The following PDE12 variants were observed in gnomAD, a reference collection of about 807,000 sequenced individuals.
PDE12 encodes the protein phosphodiesterase 12.
Under a neutral mutation model 45.4 loss-of-function variants are expected in PDE12, and 26 were observed. The ratio of observed to expected loss-of-function variants is 0.57; its 90% CI spans 0.42 to 0.79. The LOEUF is 0.79. Among genes scored for constraint, PDE12 ranks in the 30% least tolerant of loss-of-function variants. The pLI is 0.00. For synonymous variants in PDE12, 283 were observed against 323.9 expected (o/e 0.87, Z 1.36); for missense variants, 668 against 790.0 (o/e 0.85, Z 1.85).
At chr3:57,650,487 G>A in the PDE12 span, among the ~76,000 whole-genome samples, 2 of 151,800 alleles carry the variant, frequency 1.3e-5, no homozygotes, top group African/African-American at 4.8e-5. Flanking sequence ...CCACTTGAGA[G>A]GGTCTAAAAG....
the PDE12 span, among the ~76,000 whole-genome samples, chr3:57,608,480 A>G: frequency 6.6e-6 from 1 of 152,078 alleles, no homozygotes; most frequent in Admixed American, 6.6e-5. Context: ...AGTGTGCTGT[A>G]TTCAGGAGAC....
the PDE12 span, among the ~76,000 whole-genome samples, chr3:57,614,777 A>G: frequency 2.0e-5 from 3 of 151,262 alleles, no homozygotes; most frequent in Non-Finnish European, 4.4e-5. Flanking sequence ...TAAAAACACA[A>G]AGGTCAGGAG....
At chr3:57,571,481 A>G (rs1256353689), downstream of PDE12, 1 of 152,654 alleles carries the variant, frequency 6.6e-6, no homozygotes, top group South Asian at 2.1e-4. Context: ...CCAATAAACA[A>G]AACATCAGCA....
At chr3:57,642,751 T>A in the PDE12 span, among the ~76,000 whole-genome samples, 1 of 151,998 alleles carries the variant, frequency 6.6e-6, no homozygotes, top group Admixed American at 6.6e-5. Context: ...ACGCCTGTAA[T>A]CCCAGCCCTT....
chr3:57,567,205 C>T (rs527283284), downstream of PDE12, among the ~76,000 whole-genome samples: 3 of 151,822 alleles, frequency 2.0e-5, no homozygotes, highest in East Asian at 1.9e-4. Flanking sequence ...CCAGCTAATC[C>T]GGAGACTGAG....
the PDE12 span, among the ~76,000 whole-genome samples, chr3:57,605,212 G>A: frequency 2.0e-5 from 3 of 152,130 alleles, no homozygotes; most frequent in African/African-American, 7.2e-5. Context: ...GAGTCTTTGA[G>A]CCGAGAGTCT....
chr3:57,577,449 G>A, the PDE12 span: 3 of 1,344,826 alleles, frequency 2.2e-6, no homozygotes, highest in South Asian at 3.6e-5. Context: ...ATGAAACAGT[G>A]TAGGCAGCAA....
the PDE12 span, among the ~76,000 whole-genome samples, chr3:57,650,392 ATGAG>A: frequency 2.7e-5 from 4 of 149,790 alleles, no homozygotes; most frequent in African/African-American, 7.3e-5. Flanking sequence ...AATTTAATAT[ATGAG>A]TGTGTATATA....
the PDE12 span, chr3:57,600,615 C>G: frequency 6.6e-6 from 1 of 152,150 alleles, no homozygotes; most frequent in East Asian, 1.9e-4. Flanking sequence ...AGCATGTTGC[C>G]CAAGCTGGTA....
At chr3:57,575,580 T>C in the PDE12 span, 2 of 1,613,578 alleles carry the variant, frequency 1.2e-6, no homozygotes, top group Non-Finnish European at 1.7e-6. Context: ...AGCCCTAGTT[T>C]ATCTGTCATT....
chr3:57,585,418 C>T, the PDE12 span, among the ~76,000 whole-genome samples: 2 of 152,026 alleles, frequency 1.3e-5, no homozygotes, highest in African/African-American at 2.4e-5. Context: ...GCCAATTTTA[C>T]CCCTGCTTAA....
the PDE12 span, among the ~76,000 whole-genome samples, chr3:57,601,651 AG>A: frequency 1.3e-4 from 20 of 152,090 alleles, no homozygotes; most frequent in Non-Finnish European, 2.4e-4. Flanking sequence ...CCAAATACCC[AG>A]GTACAACTAT....
At chr3:57,614,540 T>G in the PDE12 span, among the ~76,000 whole-genome samples, 2 of 118,528 alleles carry the variant, frequency 1.7e-5, no homozygotes, top group African/African-American at 6.6e-5. Context: ...TTTTTTTGTT[T>G]TTTGTTTTTT....
chr3:57,636,082 GTT>G, the PDE12 span, among the ~76,000 whole-genome samples: 17 of 152,256 alleles, frequency 1.1e-4, no homozygotes, highest in African/African-American at 3.6e-4. Context: ...TTAATTGACT[GTT>G]TATGTTATTG....
chr3:57,624,352 G>GT, the PDE12 span, among the ~76,000 whole-genome samples: 1 of 151,878 alleles, frequency 6.6e-6, no homozygotes. Context: ...GGGTTTCACT[G>GT]TGTTAGCCAG....
chr3:57,615,767 G>A, the PDE12 span, among the ~76,000 whole-genome samples: 2 of 151,822 alleles, frequency 1.3e-5, no homozygotes, highest in Non-Finnish European at 2.9e-5. Flanking sequence ...TCATGCTACT[G>A]TACCCCAGTC....
chr3:57,645,853 G>A, the PDE12 span: 1 of 770,228 alleles, frequency 1.3e-6, no homozygotes, highest in East Asian at 2.8e-5. Context: ...TACACACAAA[G>A]GGATACTTTG....
the PDE12 span, among the ~76,000 whole-genome samples, chr3:57,619,843 C>CT: frequency 6.6e-6 from 1 of 151,686 alleles, no homozygotes; most frequent in Non-Finnish European, 1.5e-5. Context: ...GAGCAAGACT[C>CT]TGTCTCAAAA....
the PDE12 span, among the ~76,000 whole-genome samples, chr3:57,605,767 C>CA: frequency 6.6e-6 from 1 of 151,958 alleles, no homozygotes; most frequent in Non-Finnish European, 1.5e-5. Context: ...ACAGAACTGA[C>CA]AGAGATGTTA....
Sources: allele counts gnomAD v4.1 joint callset (sites outside exome capture counted in the v4.1 genomes callset), GRCh38; gene constraint gnomAD v4.1.1; transcripts MANE v1.5; gene names NCBI Gene and HGNC (gene_info 2026-07-23, HGNC 2026-07-21).